The following LRBA variants were observed in gnomAD, a reference collection of about 807,000 sequenced individuals.
LRBA encodes lipopolysaccharide-responsive and beige-like anchor protein.
In LRBA, 176 loss-of-function variants were observed where a neutral mutation model predicts 330.0. That is an observed-to-expected ratio of 0.53 (90% confidence interval 0.47 to 0.60). The LOEUF is 0.60. LRBA is among the 20% of genes least tolerant of loss of function. The pLI is 0.00. For synonymous variants in LRBA, 1,230 were observed against 1,193.0 expected (o/e 1.03, Z -0.64); for missense variants, 3,259 against 3,444.8 (o/e 0.95, Z 1.35).
intron 52 of LRBA, among the ~76,000 whole-genome samples, chr4:150,304,099 C>T (rs1461484552): frequency 2.6e-5 from 4 of 151,706 alleles, no homozygotes; most frequent in East Asian, 3.9e-4. Context: ...TTTTATATTT[C>T]GATTATAAAA....
chr4:150,911,028 G>A (rs559163549), intron 9 of LRBA, among the ~76,000 whole-genome samples: 1 of 152,248 alleles, frequency 6.6e-6, no homozygotes, highest in South Asian at 2.1e-4. Flanking sequence ...ATTGATTTGT[G>A]TGTATTGATT....
At chr4:150,751,623 C>A (rs558132277) in intron 35 of LRBA, among the ~76,000 whole-genome samples, 44 of 152,124 alleles carry the variant, frequency 2.9e-4, no homozygotes, top group Admixed American at 2.8e-3. Flanking sequence ...GTTGGGTTTA[C>A]TGTAGATTAA....
intron 40 of LRBA, among the ~76,000 whole-genome samples, chr4:150,533,146 G>A (rs1027760519): frequency 1.3e-5 from 2 of 151,976 alleles, no homozygotes; most frequent in Admixed American, 6.6e-5. Flanking sequence ...TTGAGCACCC[G>A]AACTCTACTA....
chr4:150,673,334 A>C (rs1342282419), intron 37 of LRBA, among the ~76,000 whole-genome samples: 1 of 152,192 alleles, frequency 6.6e-6, no homozygotes, highest in East Asian at 1.9e-4. Flanking sequence ...CTAATTACAT[A>C]TTTGGTGAAA....
intron 2 of LRBA, among the ~76,000 whole-genome samples, chr4:151,009,156 C>T (rs1469484132): frequency 6.7e-6 from 1 of 149,546 alleles, no homozygotes; most frequent in Non-Finnish European, 1.5e-5. Context: ...AGGCATGAGC[C>T]ACTGTGCCCA....
chr4:150,593,525 C>T (rs1284072324), intron 38 of LRBA, among the ~76,000 whole-genome samples: 1 of 152,098 alleles, frequency 6.6e-6, no homozygotes, highest in East Asian at 1.9e-4. Flanking sequence ...GCCATATTAG[C>T]TCTTAGATGT....
At chr4:150,921,965 C>T (rs1393545229) in intron 4 of LRBA, among the ~76,000 whole-genome samples, 1 of 152,116 alleles carries the variant, frequency 6.6e-6, no homozygotes, top group Non-Finnish European at 1.5e-5. Flanking sequence ...TCAGGTGATC[C>T]ACCTGCCTGG....
intron 34 of LRBA, among the ~76,000 whole-genome samples, chr4:150,790,840 G>C (rs897218792): frequency 1.3e-5 from 2 of 152,104 alleles, no homozygotes; most frequent in Non-Finnish European, 2.9e-5. Context: ...TATATTATAA[G>C]AACAAAGCAT....
chr4:150,595,108 CCAT>C (rs750643529), intron 38 of LRBA, among the ~76,000 whole-genome samples: 1 of 151,892 alleles, frequency 6.6e-6, no homozygotes, highest in Non-Finnish European at 1.5e-5. Flanking sequence ...GAAGCACACA[CCAT>C]AACAGCATTC....
chr4:150,864,406 T>G (rs1752408626), intron 22 of LRBA, among the ~76,000 whole-genome samples: 1 of 152,024 alleles, frequency 6.6e-6, no homozygotes, highest in Admixed American at 6.6e-5. Context: ...TTTTTGAAAA[T>G]GATTATTTTT....
At chr4:150,318,996 G>A (rs981875486) in intron 50 of LRBA, among the ~76,000 whole-genome samples, 1 of 152,158 alleles carries the variant, frequency 6.6e-6, no homozygotes, top group Non-Finnish European at 1.5e-5. Flanking sequence ...ATTGGAAGTG[G>A]AGAAGATAAT....
chr4:150,377,353 T>C (rs964307353), intron 47 of LRBA, among the ~76,000 whole-genome samples: 4 of 152,180 alleles, frequency 2.6e-5, no homozygotes, highest in Non-Finnish European at 5.9e-5. Context: ...ACTGTATTCG[T>C]TTATGCAATG....
chr4:150,555,870 G>A (rs980894736), intron 40 of LRBA, among the ~76,000 whole-genome samples: 16 of 151,882 alleles, frequency 1.1e-4, no homozygotes, highest in South Asian at 1.0e-3. Flanking sequence ...TGGTGCAATC[G>A]CGGCTCACTG....
chr4:150,380,620 T>C (rs754748353), intron 47 of LRBA, among the ~76,000 whole-genome samples: 3 of 151,892 alleles, frequency 2.0e-5, no homozygotes, highest in Non-Finnish European at 2.9e-5. Context: ...ACATTAGCAA[T>C]ATAAAAGGAA....
At chr4:150,655,411 T>C (rs766535423) in intron 37 of LRBA, among the ~76,000 whole-genome samples, 2 of 152,230 alleles carry the variant, frequency 1.3e-5, no homozygotes, top group East Asian at 3.8e-4. Context: ...CTATTATAGA[T>C]AGTGCTGTGA....
At chr4:150,940,609 T>A (rs1236498134) in intron 2 of LRBA, among the ~76,000 whole-genome samples, 1 of 152,190 alleles carries the variant, frequency 6.6e-6, no homozygotes, top group Non-Finnish European at 1.5e-5. Flanking sequence ...ATTTTACACA[T>A]ACATTTTTAA....
chr4:150,933,560 G>A lies in LRBA; in HGVS notation c.217-4495C>T, dbSNP rs565796216. ...ATCATTTACACATAGACCTATGCAT[G>A]TGCTAAATATGTCTAAGAATGAACT... On this transcript the variant is annotated intron_variant, in intron 2 of 56. Coordinates refer to ENST00000651943, the MANE Select transcript of LRBA (RefSeq NM_001364905.1). Among the ~76,000 whole-genome samples, 226 of 152,196 alleles carry A rather than the reference G, an allele frequency of 1.5e-3. 2 individuals are homozygous for A. Among genetic ancestry groups the A allele is most frequent in the African/African-American group, 4.9e-3 (203 of 41,536 alleles).
intron 47 of LRBA, among the ~76,000 whole-genome samples, chr4:150,371,444 C>T (rs549140042): frequency 2.0e-5 from 3 of 151,972 alleles, no homozygotes; most frequent in Non-Finnish European, 2.9e-5. Flanking sequence ...CTGCCTGCCT[C>T]GGTCTCCAAA....
chr4:150,388,224 G>A (rs960900176), intron 47 of LRBA, among the ~76,000 whole-genome samples: 3 of 152,176 alleles, frequency 2.0e-5, no homozygotes, highest in East Asian at 1.9e-4. Flanking sequence ...CCGCCCTTAC[G>A]ACCTCATTTA....
Sources: allele counts gnomAD v4.1 joint callset (sites outside exome capture counted in the v4.1 genomes callset), GRCh38; gene constraint gnomAD v4.1.1; transcripts MANE v1.5; gene names NCBI Gene and HGNC (gene_info 2026-07-23, HGNC 2026-07-21).